The following ATP11B variants were observed in gnomAD, a reference collection of about 807,000 sequenced individuals.
The protein encoded by ATP11B is ATPase phospholipid transporting 11B (putative).
Under a neutral mutation model 157.8 loss-of-function variants are expected in ATP11B, and 81 were observed. The observed-to-expected ratio is 0.51, with a 90% CI of 0.43 to 0.62. The LOEUF (loss-of-function observed/expected upper bound fraction) is 0.62. Among genes scored for constraint, ATP11B ranks in the 20% least tolerant of loss-of-function variants. The pLI, the probability that ATP11B is intolerant of heterozygous loss-of-function variation, is 0.00. For synonymous variants in ATP11B, 451 were observed against 469.4 expected (o/e 0.96, Z 0.51); for missense variants, 1,165 against 1,402.2 (o/e 0.83, Z 2.70).
In ATP11B at chr3:182,907,366, G is replaced by A. The variant is rs561181332; in HGVS notation, c.3319-6495G>A. Among the ~76,000 whole-genome samples the A allele has an allele frequency of 3.9e-5, 6 of 152,166 alleles. No homozygotes were observed. In the South Asian group the frequency reaches 6.2e-4, roughly 16 times the overall value. ...TTTGTAACAAAGCCACTTGAAAATTGTAAATCTTTTAACCACACTATAAAT... is the reference window on the plus strand; with the variant it reads ...TTTGTAACAAAGCCACTTGAAAATTATAAATCTTTTAACCACACTATAAAT... On this transcript the variant is annotated intron_variant, in intron 28 of 29. Transcript: ENST00000323116.
intron 1 of ATP11B, among the ~76,000 whole-genome samples, chr3:182,819,603 T>C (rs1717199097): frequency 6.6e-6 from 1 of 152,184 alleles, no homozygotes; most frequent in Non-Finnish European, 1.5e-5. Flanking sequence ...TACAGCATAT[T>C]CATATCTCTA....
intron 4 of ATP11B, among the ~76,000 whole-genome samples, chr3:182,834,112 G>A (rs976588434): frequency 5.3e-5 from 8 of 152,100 alleles, no homozygotes; most frequent in South Asian, 2.1e-4. Flanking sequence ...TTGAATTATC[G>A]TTGCTCTGCT....
At chr3:182,840,959 C>G (rs767752886) in intron 7 of ATP11B, among the ~76,000 whole-genome samples, 1 of 152,130 alleles carries the variant, frequency 6.6e-6, no homozygotes, top group East Asian at 1.9e-4. Context: ...GCCCATATGT[C>G]TATAACCATC....
chr3:182,825,592 G>A (rs1164491878), intron 2 of ATP11B, among the ~76,000 whole-genome samples: 2 of 151,962 alleles, frequency 1.3e-5, no homozygotes, highest in Admixed American at 6.6e-5. Context: ...GTGTGGTGGC[G>A]GTTGCCTGTA....
intron 19 of ATP11B, among the ~76,000 whole-genome samples, chr3:182,875,736 C>T (rs1354997204): frequency 2.6e-5 from 4 of 152,126 alleles, no homozygotes; most frequent in East Asian, 1.9e-4. Flanking sequence ...CCACCGCACC[C>T]GGCCCATATA....
At chr3:182,829,881 G>A (rs1056374230) in intron 4 of ATP11B, 129 bp downstream of exon 4, 48 of 1,422,482 alleles carry the variant, frequency 3.4e-5, no homozygotes, top group East Asian at 1.0e-4. Context: ...TGTCTGATAC[G>A]TAGTAAAATT....
intron 9 of ATP11B, 73 bp downstream of exon 9, chr3:182,845,595 A>G: frequency 1.1e-6 from 1 of 936,768 alleles, no homozygotes; most frequent in Non-Finnish European, 1.5e-6. Flanking sequence ...TTAAAAGTAC[A>G]ATGTGGTCTT....
intron 1 of ATP11B, among the ~76,000 whole-genome samples, chr3:182,794,623 T>A (rs1289764212): frequency 2.0e-5 from 3 of 152,014 alleles, no homozygotes; most frequent in Non-Finnish European, 4.4e-5. Flanking sequence ...TAGAAAAGGG[T>A]CATTTAAGGC....
chr3:182,827,234 G>A (rs1717785563), intron 2 of ATP11B, among the ~76,000 whole-genome samples: 1 of 152,070 alleles, frequency 6.6e-6, no homozygotes, highest in Non-Finnish European at 1.5e-5. Context: ...AAAATTTGCA[G>A]CATATTATTC....
At chr3:182,889,571 A>G (rs1027202481) in intron 25 of ATP11B, 23 bp downstream of exon 25, 1 of 1,510,022 alleles carries the variant, frequency 6.6e-7, no homozygotes, top group African/African-American at 1.5e-5. Context: ...GTTTTTTTAA[A>G]GAATGCTTGT....
chr3:182,846,795 G>A (rs931006037), intron 9 of ATP11B, among the ~76,000 whole-genome samples: 8 of 152,208 alleles, frequency 5.3e-5, no homozygotes, highest in African/African-American at 1.9e-4. Flanking sequence ...ACTGAAAACA[G>A]ATTAGTGGTT....
intron 1 of ATP11B, among the ~76,000 whole-genome samples, chr3:182,796,644 C>G (rs993330401): frequency 1.3e-5 from 2 of 152,176 alleles, no homozygotes; most frequent in African/African-American, 4.8e-5. Flanking sequence ...TTTTAAAGCA[C>G]TTGCTGTGTG....
At chr3:182,827,610 G>T (rs921178737) in intron 2 of ATP11B, among the ~76,000 whole-genome samples, 1 of 151,550 alleles carries the variant, frequency 6.6e-6, no homozygotes, top group East Asian at 1.9e-4. Flanking sequence ...TTATCGCGGC[G>T]ATCACTTATC....
intron 10 of ATP11B, among the ~76,000 whole-genome samples, chr3:182,854,165 T>C (rs1720191888): frequency 6.6e-6 from 1 of 152,170 alleles, no homozygotes; most frequent in Admixed American, 6.5e-5. Context: ...ATATAAAAGC[T>C]AAAATTACAA....
At chr3:182,914,412 C>T (rs1001136715) in intron 29 of ATP11B, 1 of 985,586 alleles carries the variant, frequency 1.0e-6, no homozygotes, top group Middle Eastern at 5.2e-4. Flanking sequence ...AAGTCAAAGG[C>T]TTTCCTTTTC....
intron 1 of ATP11B, among the ~76,000 whole-genome samples, chr3:182,804,604 T>A (rs1240040238): frequency 6.6e-6 from 1 of 152,220 alleles, no homozygotes; most frequent in Admixed American, 6.5e-5. Flanking sequence ...GTCTGTTTTT[T>A]CTCTTTGACC....
intron 1 of ATP11B, among the ~76,000 whole-genome samples, chr3:182,809,550 G>A (rs564649944): frequency 7.9e-5 from 12 of 152,012 alleles, no homozygotes; most frequent in African/African-American, 2.7e-4. Flanking sequence ...CGCCCTGCCC[G>A]CTCTGTACAC....
chr3:182,852,121 CAA>C (rs1720025312), intron 10 of ATP11B, among the ~76,000 whole-genome samples: 1 of 152,206 alleles, frequency 6.6e-6, no homozygotes, highest in South Asian at 2.1e-4. Context: ...AAATCAATAA[CAA>C]AATCTGCAAA....
intron 5 of ATP11B, 69 bp downstream of exon 5, chr3:182,836,211 A>G (rs189464454): frequency 1.1e-4 from 166 of 1,564,244 alleles, no homozygotes; most frequent in Middle Eastern, 3.4e-4. Flanking sequence ...TAATCTTGAT[A>G]TTACGTTTTA....
Sources: gnomAD v4.1 joint callset for allele counts (sites outside exome capture counted in the v4.1 genomes callset) on GRCh38, gnomAD v4.1.1 for gene constraint, MANE v1.5 for transcripts, NCBI Gene and HGNC (gene_info 2026-07-23, HGNC 2026-07-21) for gene names.